The following CUX1 variants were observed in gnomAD, a reference collection of about 807,000 sequenced individuals.
CUX1 encodes the protein protein CASP.
CUX1 carries 31 observed loss-of-function variants against 158.8 expected under a neutral mutation model. That is an observed-to-expected ratio of 0.20 (90% CI 0.15 to 0.26). The LOEUF (loss-of-function observed/expected upper bound fraction) is 0.26. Among genes scored for constraint, CUX1 ranks in the 10% least tolerant of loss-of-function variants. The probability of loss-of-function intolerance (pLI) is 1.00; values close to 1 mark genes in which losing one functional copy is unlikely to be tolerated. For synonymous variants in CUX1, 879 were observed against 862.1 expected (o/e 1.02, Z -0.34); for missense variants, 1,589 against 2,014.6 (o/e 0.79, Z 4.04).
chr7:102,071,625 C>T (rs10234321), intron 4 of CUX1, among the ~76,000 whole-genome samples: 10,434 of 152,186 alleles, frequency 0.069, 560 homozygotes, highest in African/African-American at 0.15. Flanking sequence ...ATCATTAGAG[C>T]TACATTAACA....
intron 3 of CUX1, among the ~76,000 whole-genome samples, chr7:102,051,349 GAA>G (rs758960022): frequency 7.1e-6 from 1 of 140,784 alleles, no homozygotes. Context: ...ATTTGTGTTT[GAA>G]AAAAAAAAAA....
At chr7:102,238,372 C>A (rs182358126) in intron 22 of CUX1, among the ~76,000 whole-genome samples, 111 of 152,366 alleles carry the variant, frequency 7.3e-4, no homozygotes, top group African/African-American at 2.4e-3. Context: ...CTGGGCATAA[C>A]AGAAGGCTCG....
intron 2 of CUX1, among the ~76,000 whole-genome samples, chr7:101,943,150 AG>A (rs1298906019): frequency 7.3e-6 from 1 of 137,532 alleles, no homozygotes; most frequent in Admixed American, 8.3e-5. Context: ...TCTGTCACCC[AG>A]GCTGGAGTGC....
In CUX1 at chr7:101,986,218, C is replaced by G. The variant is rs138924424; in HGVS notation, c.142-41880C>G. On this transcript the variant is annotated intron_variant, in intron 2 of 23. Transcript: ENST00000292535. ...AAGAGATGGAATTGGTAACGAGGCA[C>G]TGGGGTCGGATCTTCATATTTTTGT... 5.4e-3 allele frequency among the ~76,000 whole-genome samples: 830 copies of G among 152,306 alleles called. 9 individuals carry two copies. Among genetic ancestry groups the G allele is most frequent in the Non-Finnish European group, 7.2e-3 (491 of 68,028 alleles).
At chr7:102,080,438 A>C (rs1255180429) in intron 4 of CUX1, among the ~76,000 whole-genome samples, 1 of 152,174 alleles carries the variant, frequency 6.6e-6, no homozygotes, top group Non-Finnish European at 1.5e-5. Flanking sequence ...TGATTACATT[A>C]GCCTAGAGTG....
intron 3 of CUX1, among the ~76,000 whole-genome samples, chr7:102,032,533 A>T (rs1820915243): frequency 1.3e-5 from 2 of 152,100 alleles, no homozygotes; most frequent in Middle Eastern, 3.4e-3. Context: ...GGCGGGCATG[A>T]TGGCATGTGC....
chr7:102,054,427 T>G (rs1292744937), intron 3 of CUX1, among the ~76,000 whole-genome samples: 1 of 152,194 alleles, frequency 6.6e-6, no homozygotes, highest in Non-Finnish European at 1.5e-5. Context: ...CTTTTACCCT[T>G]GAATTGTCAT....
chr7:102,217,111 G>A (rs1797308398), intron 20 of CUX1, among the ~76,000 whole-genome samples: 1 of 152,202 alleles, frequency 6.6e-6, no homozygotes, highest in Admixed American at 6.5e-5. Flanking sequence ...TTCTAAATCA[G>A]TATGGATCTG....
chr7:101,903,542 C>T (rs1450275638), intron 1 of CUX1, among the ~76,000 whole-genome samples: 2 of 152,052 alleles, frequency 1.3e-5, no homozygotes, highest in African/African-American at 2.4e-5. Flanking sequence ...TTTTTTGTAG[C>T]TCAAAAATGG....
chr7:102,278,186 C>A (rs1586532630), intron 18 of CUX1: 1 of 587,954 alleles, frequency 1.7e-6, no homozygotes, highest in Non-Finnish European at 2.9e-6. Context: ...GCCCCAGAGA[C>A]CCCTGAGGCC....
At chr7:102,158,525 G>T in intron 8 of CUX1, 35 bp from the exon 9 acceptor site, 4 of 1,612,750 alleles carry the variant, frequency 2.5e-6, no homozygotes, top group Non-Finnish European at 3.4e-6. Context: ...CGGTCTCCTT[G>T]TGACTAACCT....
intron 17 of CUX1, 90 bp downstream of exon 17, chr7:102,200,262 T>C: frequency 9.4e-7 from 1 of 1,058,318 alleles, no homozygotes; most frequent in Non-Finnish European, 1.4e-6. Flanking sequence ...AACTATTTTT[T>C]TTTTAAACAA....
intron 6 of CUX1, among the ~76,000 whole-genome samples, chr7:102,108,337 T>C (rs951331108): frequency 1.3e-5 from 2 of 152,136 alleles, no homozygotes; most frequent in African/African-American, 4.8e-5. Flanking sequence ...GAATTAAATA[T>C]TATTAAGTTG....
chr7:102,069,115 T>C (rs1455376799), intron 3 of CUX1, among the ~76,000 whole-genome samples: 1 of 152,060 alleles, frequency 6.6e-6, no homozygotes, highest in African/African-American at 2.4e-5. Context: ...CTCCTCCTCC[T>C]CGACACCCAC....
intron 1 of CUX1, among the ~76,000 whole-genome samples, chr7:101,825,095 C>G (rs531348065): frequency 2.8e-4 from 43 of 152,306 alleles, no homozygotes; most frequent in Middle Eastern, 3.4e-3. Context: ...AGCAACCGCC[C>G]GGAGAATACC....
At chr7:102,028,044 C>T in intron 2 of CUX1, 54 bp from the exon 3 acceptor site, 1 of 1,600,462 alleles carries the variant, frequency 6.2e-7, no homozygotes. Flanking sequence ...ACCAATGTTT[C>T]CCTTCTTTCT....
At chr7:101,894,589 GGCGTGA>G (rs1225162205) in intron 1 of CUX1, among the ~76,000 whole-genome samples, 3 of 152,250 alleles carry the variant, frequency 2.0e-5, no homozygotes, top group African/African-American at 7.2e-5. Flanking sequence ...TGGGATTACA[GGCGTGA>G]GCCCCTGCGC....
intron 20 of CUX1, among the ~76,000 whole-genome samples, chr7:102,218,176 A>C (rs1407443874): frequency 6.6e-6 from 1 of 152,150 alleles, no homozygotes; most frequent in Admixed American, 6.6e-5. Flanking sequence ...TCTTTGTTTG[A>C]GTGACCTGCT....
chr7:102,201,324 GC>G lies in CUX1; in HGVS notation c.2063-33del. On this transcript the variant is annotated intron_variant, in intron 17 of 23. Coordinates refer to ENST00000292535, the MANE Select transcript of CUX1 (RefSeq NM_181552.4). This position sits in a 1 kb window ranked among gnomAD's most constrained non-coding sequence, Gnocchi z 5.0. ...AGCATGTCCCCAGCTGAAGGGGGCC[GC>G]CCTGCCACACTCTCACCCCTGTTTC... 1 of 1,593,596 alleles carries G rather than the reference GC, an allele frequency of 6.3e-7. No homozygotes were observed.
Sources: gnomAD v4.1 joint callset for allele counts (sites outside exome capture counted in the v4.1 genomes callset) on GRCh38, gnomAD v4.1.1 for gene constraint, Gnocchi (gnomAD v3.1) non-coding constraint, MANE v1.5 for transcripts, NCBI Gene and HGNC (gene_info 2026-07-23, HGNC 2026-07-21) for gene names.